Variants in CBARP observed in about 807,000 individuals in gnomAD.
CBARP encodes voltage-dependent calcium channel beta subunit-associated regulatory protein.
Under a neutral mutation model 36.3 loss-of-function variants are expected in CBARP, and 24 were observed. The observed-to-expected ratio is 0.66, with a 90% confidence interval of 0.48 to 0.93. The LOEUF is 0.93. CBARP is among the 40% of genes least tolerant of loss of function. The pLI is 0.00. For missense variants in CBARP, 1,146 were observed against 980.4 expected (o/e 1.17, Z -2.26); for synonymous variants, 586 against 453.2 (o/e 1.29, Z -3.72).
chr19:1,229,747 G>A lies in CBARP; in HGVS notation c.1550C>T (p.Thr517Ile), dbSNP rs1230995644. The A allele has an allele frequency of 3.0e-6, 3 of 996,946 alleles. No homozygotes were observed. The highest frequency in any genetic ancestry group is 3.6e-6 in the Non-Finnish European group (3 of 835,044). The allele number at this position is 996,946 out of a possible 1,614,324, so 61.8% of individuals were successfully genotyped here. ...SIEGRGAGDD[T>I]EPPAAPARPR... Reference sequence around the variant, plus strand: ...CCGGGCGGGCGCGGCAGGTGGCTCGGTGTCGTCGCCTGCGCCGCGGCCCTC... The same window carrying A: ...CCGGGCGGGCGCGGCAGGTGGCTCGATGTCGTCGCCTGCGCCGCGGCCCTC... Residue 517 changes from threonine to isoleucine, a missense_variant, in exon 10 of 10, where the codon ACC becomes ATC. By Grantham distance (89) the Thr-to-Ile change is moderately conservative. Coordinates refer to ENST00000650044, the MANE Select transcript of CBARP (RefSeq NM_001393918.1). The surrounding 1 kb of genome is among the most constrained non-coding windows in gnomAD (Gnocchi z 5.1).
chr19:1,229,847 A>AGGGCGGCGGGAAGGC lies in CBARP; in HGVS notation c.1435_1449dup (p.Ala479_Pro483dup). The AGGGCGGCGGGAAGGC allele has an allele frequency of 1.0e-6, 1 of 984,142 alleles. No individual in the cohort carries two copies. The highest frequency in any genetic ancestry group is 1.2e-6 in the Non-Finnish European group (1 of 830,778). The allele number at this position is 984,142 out of a possible 1,614,324, so 61.0% of individuals were successfully genotyped here. A position where few individuals can be genotyped will look rare whatever the true frequency, so the allele number is the denominator to read the frequency against. On this transcript the variant is annotated inframe_insertion, in exon 10 of 10. Transcript: ENST00000650044. This position sits in a 1 kb window ranked among gnomAD's most constrained non-coding sequence, Gnocchi z 5.1. ...TCCTTGGGCCGCGGCGCGGGCGGGG[A>AGGGCGGCGGGAAGGC]GGGCGGCGGGAAGGCGGGCGCCGCG...
chr19:1,231,160 G>A lies in CBARP; in HGVS notation c.1095C>T (p.Asp365=), dbSNP rs759375801. The change falls in exon 9 of 10, where the codon GAC becomes GAT. Residue 365 remains aspartate, a synonymous_variant. Transcript: ENST00000650044. The part of the protein sequence containing the change: ...DFIQYIARAG[D]AVAFPHPRPF... Reference sequence around the variant, plus strand: ...GGCGGGGGTGCGGGAAGGCCACGGCGTCGCCCGCCCGGGCAATGTACTGGA... The same window carrying A: ...GGCGGGGGTGCGGGAAGGCCACGGCATCGCCCGCCCGGGCAATGTACTGGA... The A allele has an allele frequency of 2.5e-6, 4 of 1,600,836 alleles. No individual in the cohort carries two copies. The highest frequency in any genetic ancestry group is 3.4e-6 in the Non-Finnish European group (4 of 1,174,948).
intron 1 of CBARP, among the ~76,000 whole-genome samples, chr19:1,237,209 C>G (rs2080987319): frequency 6.6e-6 from 1 of 152,248 alleles, no homozygotes; most frequent in African/African-American, 2.4e-5. Context: ...GGCCCAAAGC[C>G]GGGCAGGGTC....
chr19:1,235,621 G>A, intron 3 of CBARP, 56 bp from the exon 4 acceptor site: 2 of 1,587,572 alleles, frequency 1.3e-6, no homozygotes, highest in Non-Finnish European at 8.6e-7. Flanking sequence ...AGCCACAGTG[G>A]GTCTCGGCTC....
chr19:1,236,120 C>T lies in CBARP; in HGVS notation c.-20G>A. Reference sequence around the variant, plus strand: ...CTGCATTCTGAACTGGGGAGGAGGGCCCTGTGGGGAGGAAGCCTGGTCAGC... The same window carrying T: ...CTGCATTCTGAACTGGGGAGGAGGGTCCTGTGGGGAGGAAGCCTGGTCAGC... On this transcript the variant is annotated splice_region_variant and 5_prime_UTR_variant, in exon 2 of 10. Coordinates refer to ENST00000650044, the MANE Select transcript of CBARP (RefSeq NM_001393918.1). The T allele has an allele frequency of 1.4e-6, 2 of 1,423,770 alleles. No homozygotes were observed. Among genetic ancestry groups the T allele is most frequent in the Non-Finnish European group, 1.8e-6 (2 of 1,092,542 alleles). The allele number at this position is 1,423,770 out of a possible 1,614,324, so 88.2% of individuals were successfully genotyped here. A position where few individuals can be genotyped will look rare whatever the true frequency, so the allele number is the denominator to read the frequency against.
intron 7 of CBARP, 99 bp from the exon 8 acceptor site, chr19:1,233,735 C>T (rs1435453453): frequency 3.4e-6 from 4 of 1,179,380 alleles, no homozygotes; most frequent in Admixed American, 2.5e-5. Context: ...CCCAAGGGCC[C>T]CCCATCACTG....
In CBARP at chr19:1,229,482, A is replaced by G. The variant is rs1207302651; in HGVS notation, c.1815T>C (p.Pro605=). ...CACGCGCGGGTCGGGCCGCGCCGGC[A>G]GGCGGTGCCGGGGTTCCGGCCAGGG... ...APALAGTPAP[P]AGAARPARAP... The change falls in exon 10 of 10, where the codon CCT becomes CCC. Residue 605 remains proline (P), a synonymous_variant. Coordinates refer to ENST00000650044, the MANE Select transcript of CBARP (RefSeq NM_001393918.1). This position sits in a 1 kb window ranked among gnomAD's most constrained non-coding sequence, Gnocchi z 5.1. 1 of 978,778 alleles carries G rather than the reference A, an allele frequency of 1.0e-6. No individual in the cohort carries two copies. The highest frequency in any genetic ancestry group is 1.8e-5 in the African/African-American group (1 of 56,394). 60.6% of individuals were successfully genotyped at this position (978,778 alleles called of 1,614,324 possible). A position where few individuals can be genotyped will look rare whatever the true frequency, so the allele number is the denominator to read the frequency against.
rs967710004 is a variant in CBARP, at chr19:1,237,982, C to G, written c.-248G>C. 1.4e-5 allele frequency: 2 copies of G among 146,998 alleles called. No individual in the cohort carries two copies. Among genetic ancestry groups the G allele is most frequent in the African/African-American group, 2.4e-5 (1 of 40,932 alleles). 9.1% of individuals were successfully genotyped at this position (146,998 alleles called of 1,614,324 possible). A position where few individuals can be genotyped will look rare whatever the true frequency, so the allele number is the denominator to read the frequency against. ...GCTGCCCGGTCCCCGGCCCGCCGCC[C>G]CCGCTGCGCTCGCCGCTGGGTCTGG... On this transcript the variant is annotated 5_prime_UTR_variant, in exon 1 of 10. Coordinates refer to ENST00000650044, the MANE Select transcript of CBARP (RefSeq NM_001393918.1).
chr19:1,234,647 C>T lies in CBARP; in HGVS notation c.551G>A (p.Cys184Tyr), dbSNP rs931195228. The T allele has an allele frequency of 5.0e-6, 8 of 1,611,518 alleles. No homozygotes were observed. In the African/African-American group the frequency reaches 8.0e-5, roughly 16 times the overall value. ...GGCTGAGCTGGCCTCGCCTGAGTCA[C>T]ACTCGTGGATGGTGACAATCTTGAG... is the stretch of plus-strand genomic sequence containing the variant. ...PPLKIVTIHE[C>Y]DSGEASSATT... is the part of the protein sequence containing the mutation. The change falls in exon 6 of 10, where the codon TGT (cysteine) becomes TAT (tyrosine). Residue 184 changes from cysteine (C) to tyrosine (Y), a missense_variant. Physicochemically the swap from Cys to Tyr is radical, Grantham distance 194. Coordinates refer to ENST00000650044, the MANE Select transcript of CBARP (RefSeq NM_001393918.1).
At chr19:1,233,318 G>A (rs905471035) in intron 8 of CBARP, 108 bp downstream of exon 8, 47 of 1,154,588 alleles carry the variant, frequency 4.1e-5, no homozygotes, top group South Asian at 6.3e-5. Flanking sequence ...CCAGAGCACC[G>A]GCTCCCCACC....
rs1244856329 is a variant in CBARP at position 1,233,484 on chromosome 19, G to A, written c.921C>T (p.Phe307=). The change falls in exon 8 of 10, where the codon TTC becomes TTT. Residue 307 remains phenylalanine (F), a synonymous_variant. Transcript: ENST00000650044. ...GCTCCAGCTTCCACTTCTTGACCTT[G>A]AAATAGGGGCTGGCCCCATCCAGGC... The part of the protein sequence containing the change: ...HASLDGASPY[F]KVKKWKLEPS... The A allele has an allele frequency of 6.2e-7, 1 of 1,605,590 alleles. No individual in the cohort carries two copies. Among genetic ancestry groups the A allele is most frequent in the Non-Finnish European group, 8.5e-7 (1 of 1,176,768 alleles).
At chr19:1,231,053 C>G in intron 9 of CBARP, 48 bp downstream of exon 9, 1 of 1,564,946 alleles carries the variant, frequency 6.4e-7, no homozygotes, top group Non-Finnish European at 8.7e-7. Flanking sequence ...CGAAGGGGGG[C>G]AAGGGCCCAC....
chr19:1,234,188 C>T lies in CBARP; in HGVS notation c.768+3G>A, dbSNP rs773726822. ...ACCATGGGGGACACGCAGGGGCCCT[C>T]ACCGAGGTGCCTTCCCCAGAGTCGC... On this transcript the variant is annotated splice_donor_region_variant and intron_variant, in intron 7 of 9. Transcript: ENST00000650044. The T allele has an allele frequency of 1.3e-6, 2 of 1,514,950 alleles. No homozygotes were observed. Among genetic ancestry groups the T allele is most frequent in the Non-Finnish European group, 8.8e-7 (1 of 1,136,596 alleles). The allele number at this position is 1,514,950 out of a possible 1,614,324, so 93.8% of individuals were successfully genotyped here. A position where few individuals can be genotyped will look rare whatever the true frequency, so the allele number is the denominator to read the frequency against.
intron 8 of CBARP, among the ~76,000 whole-genome samples, chr19:1,232,786 G>T (rs1260688142): frequency 6.6e-6 from 1 of 152,252 alleles, no homozygotes; most frequent in Non-Finnish European, 1.5e-5. Context: ...GCCTCTGACT[G>T]CTTCCTCGCC....
intron 6 of CBARP, 55 bp downstream of exon 6, chr19:1,234,516 C>T: frequency 2.6e-6 from 4 of 1,533,162 alleles, no homozygotes; most frequent in Non-Finnish European, 3.5e-6. Flanking sequence ...GTCCGGGAGT[C>T]CCCGGGGCTG....
rs1167415177 is a variant in CBARP at position 1,228,796 on chromosome 19, C to G, written c.*383G>C. 2.7e-5 allele frequency: 4 copies of G among 147,306 alleles called. No individual in the cohort carries two copies. Among genetic ancestry groups the G allele is most frequent in the South Asian group, 2.1e-4 (1 of 4,824 alleles). The allele number at this position is 147,306 out of a possible 1,614,324, so 9.1% of individuals were successfully genotyped here. The stretch of plus-strand genomic sequence containing the variant: ...CGGGCCCAGTGGGCTGCGCGACCCT[C>G]GGGTGGCGGGCCCTGCGACTAAGCG... On this transcript the variant is annotated 3_prime_UTR_variant, in exon 10 of 10. Coordinates refer to ENST00000650044, the MANE Select transcript of CBARP (RefSeq NM_001393918.1).
intron 6 of CBARP, 90 bp from the exon 7 acceptor site, chr19:1,234,421 G>A: frequency 7.0e-7 from 1 of 1,432,882 alleles, no homozygotes; most frequent in South Asian, 1.5e-5. Context: ...GAGCATGCTG[G>A]GCTTGGCCCC....
rs1278535250 is a variant in CBARP at position 1,229,757 on chromosome 19, C to T, written c.1540G>A (p.Gly514Ser). The T allele has an allele frequency of 8.0e-6, 8 of 1,005,472 alleles. 1 individual carries two copies. In the Admixed American group the frequency reaches 2.3e-4, roughly 29 times the overall value. 62.3% of individuals were successfully genotyped at this position (1,005,472 alleles called of 1,614,324 possible). Reference protein sequence around the residue: ...GYASIEGRGAGDDTEPPAAPA... With the variant: ...GYASIEGRGASDDTEPPAAPA... The stretch of plus-strand genomic sequence containing the variant: ...GCGGCAGGTGGCTCGGTGTCGTCGC[C>T]TGCGCCGCGGCCCTCGATGCTGGCG... The change falls in exon 10 of 10, where the codon GGC (glycine) becomes AGC (serine). Residue 514 changes from glycine (G) to serine (S), a missense_variant. By Grantham distance (56) the Gly-to-Ser change is moderately conservative. Transcript: ENST00000650044. This position sits in a 1 kb window ranked among gnomAD's most constrained non-coding sequence, Gnocchi z 5.1.
At position 1,229,281 on chromosome 19, in the gene CBARP, G is replaced by A. The variant is rs1392072307; in HGVS notation, c.2016C>T (p.Gly672=). 1 of 1,256,564 alleles carries A rather than the reference G, an allele frequency of 8.0e-7. No homozygotes were observed. The highest frequency in any genetic ancestry group is 1.0e-6 in the Non-Finnish European group (1 of 976,870). The allele number at this position is 1,256,564 out of a possible 1,614,324, so 77.8% of individuals were successfully genotyped here. Residue 672 remains glycine, a synonymous_variant, in exon 10 of 10, where the codon GGC becomes GGT. Coordinates refer to ENST00000650044, the MANE Select transcript of CBARP (RefSeq NM_001393918.1). The surrounding 1 kb of genome is among the most constrained non-coding windows in gnomAD (Gnocchi z 5.1). ...GCGGCGGAAAGAGTCTCTCGTCGAG[G>A]CCAGCCGCCAGCTTGTCCAGCACCG... is the stretch of plus-strand genomic sequence containing the variant. ...SGSVLDKLAA[G]LDERLFPPRL... is the part of the protein sequence containing the mutation.
Sources: gnomAD v4.1 joint callset for allele counts (sites outside exome capture counted in the v4.1 genomes callset) on GRCh38, gnomAD v4.1.1 for gene constraint, Gnocchi (gnomAD v3.1) non-coding constraint, MANE v1.5 for transcripts, NCBI Gene and HGNC (gene_info 2026-07-23, HGNC 2026-07-21) for gene names.